Variants in CRPPA observed in about 807,000 individuals in gnomAD.
The protein encoded by CRPPA is D-ribitol-5-phosphate cytidylyltransferase.
In CRPPA, 43 loss-of-function variants were observed where a neutral mutation model predicts 52.0. That is an observed-to-expected ratio of 0.83 (90% CI 0.65 to 1.07). The LOEUF (loss-of-function observed/expected upper bound fraction) is 1.07, where lower values mean the gene tolerates loss of function less well. CRPPA is among the 50% of genes least tolerant of loss of function. The pLI is 0.00. For synonymous variants in CRPPA, 250 were observed against 203.5 expected (o/e 1.23, Z -1.94); for missense variants, 629 against 551.7 (o/e 1.14, Z -1.40).
intron 9 of CRPPA, among the ~76,000 whole-genome samples, chr7:16,100,768 G>C (rs1282281175): frequency 6.6e-6 from 1 of 152,148 alleles, no homozygotes; most frequent in African/African-American, 2.4e-5. Flanking sequence ...TGCCCATTCA[G>C]TATGATATTG....
intron 9 of CRPPA, among the ~76,000 whole-genome samples, chr7:16,214,579 A>ACCTCCG (rs1554290788): frequency 1.3e-5 from 2 of 151,914 alleles, no homozygotes; most frequent in Admixed American, 6.6e-5. Flanking sequence ...GCTCACTGCA[A>ACCTCCG]CCTCCGCCTC....
At chr7:16,249,172 C>G (rs962145403) in intron 8 of CRPPA, among the ~76,000 whole-genome samples, 13 of 152,180 alleles carry the variant, frequency 8.5e-5, no homozygotes, top group African/African-American at 2.9e-4. Flanking sequence ...GATTCTGCCT[C>G]TCTAGATTCC....
chr7:16,146,731 A>G (rs1326918985), intron 9 of CRPPA, among the ~76,000 whole-genome samples: 1 of 152,150 alleles, frequency 6.6e-6, no homozygotes, highest in African/African-American at 2.4e-5. Flanking sequence ...TGTAAGCCTC[A>G]TGGTAATCAC....
chr7:16,286,037 A>ATATATATATATATATATATATAG (rs1784425768), intron 5 of CRPPA, among the ~76,000 whole-genome samples: 1 of 15,112 alleles, frequency 6.6e-5, no homozygotes. Context: ...AAAAAAAAAA[A>ATATATATATATATATATATATAG]AATATAAATA....
At chr7:16,336,019 T>C (rs1785670798) in intron 3 of CRPPA, among the ~76,000 whole-genome samples, 1 of 152,160 alleles carries the variant, frequency 6.6e-6, no homozygotes, top group Non-Finnish European at 1.5e-5. Context: ...ATGGCAAAGT[T>C]GTCCTTCTGA....
At chr7:16,249,574 T>C (rs565129159) in intron 8 of CRPPA, among the ~76,000 whole-genome samples, 7 of 152,250 alleles carry the variant, frequency 4.6e-5, no homozygotes, top group African/African-American at 1.4e-4. Context: ...CTGCTGATCA[T>C]AGCCAGGCAA....
At chr7:16,129,913 A>G (rs1782650321) in intron 9 of CRPPA, among the ~76,000 whole-genome samples, 1 of 152,206 alleles carries the variant, frequency 6.6e-6, no homozygotes, top group South Asian at 2.1e-4. Context: ...CTTCTGACAC[A>G]TAAACATTCC....
At chr7:16,108,513 G>T (rs1484052772) in intron 9 of CRPPA, among the ~76,000 whole-genome samples, 2 of 151,826 alleles carry the variant, frequency 1.3e-5, no homozygotes, top group African/African-American at 4.8e-5. Flanking sequence ...AATAGTAGGG[G>T]ACAACAATAT....
At chr7:16,143,786 G>A (rs192841822) in intron 9 of CRPPA, among the ~76,000 whole-genome samples, 47 of 152,158 alleles carry the variant, frequency 3.1e-4, no homozygotes, top group Non-Finnish European at 4.1e-4. Flanking sequence ...ACTTCTAGAG[G>A]GGTACCATCT....
At chr7:16,351,286 G>A (rs1270293645) in intron 3 of CRPPA, among the ~76,000 whole-genome samples, 3 of 151,870 alleles carry the variant, frequency 2.0e-5, no homozygotes, top group Non-Finnish European at 4.4e-5. Context: ...TTTAAACCTA[G>A]GTCCTCAAAC....
chr7:16,139,314 A>G (rs1410666048), intron 9 of CRPPA, among the ~76,000 whole-genome samples: 1 of 152,154 alleles, frequency 6.6e-6, no homozygotes, highest in Non-Finnish European at 1.5e-5. Flanking sequence ...ACAAAACTTG[A>G]CCTGTACATC....
chr7:16,368,628 T>C lies in CRPPA; in HGVS notation c.684+7464A>G, dbSNP rs117264364. Among the ~76,000 whole-genome samples, 1,508 of 152,326 alleles carry C rather than the reference T, an allele frequency of 9.9e-3. 18 individuals are homozygous for C. The highest frequency in any genetic ancestry group is 0.015 in the Non-Finnish European group (988 of 68,010). On this transcript the variant is annotated intron_variant, in intron 3 of 9. Coordinates refer to ENST00000407010, the MANE Select transcript of CRPPA (RefSeq NM_001101426.4). ...TTTTATATAGTTGTTATTACAACTT[T>C]ATATATTAGTTTCTCAGTAACACTC...
intron 8 of CRPPA, among the ~76,000 whole-genome samples, chr7:16,255,893 C>T (rs532221298): frequency 6.6e-6 from 1 of 152,308 alleles, no homozygotes. Context: ...GCAAAGTCTT[C>T]ATGACTAAAA....
intron 2 of CRPPA, among the ~76,000 whole-genome samples, chr7:16,404,238 G>A (rs1337482563): frequency 6.6e-6 from 1 of 152,082 alleles, no homozygotes; most frequent in Non-Finnish European, 1.5e-5. Context: ...TTCTGAACCA[G>A]CTTCTTAATC....
intron 4 of CRPPA, among the ~76,000 whole-genome samples, chr7:16,303,022 T>C (rs1784823069): frequency 6.6e-6 from 1 of 152,200 alleles, no homozygotes; most frequent in African/African-American, 2.4e-5. Flanking sequence ...CAATTGAGAA[T>C]TACAACATTT....
chr7:16,223,117 T>C (rs1782565162), intron 8 of CRPPA, among the ~76,000 whole-genome samples: 1 of 151,748 alleles, frequency 6.6e-6, no homozygotes, highest in Non-Finnish European at 1.5e-5. Context: ...CAAGGCGAAA[T>C]GCTGTCTCTA....
At chr7:16,413,822 A>G (rs1788126289) in intron 1 of CRPPA, among the ~76,000 whole-genome samples, 1 of 152,212 alleles carries the variant, frequency 6.6e-6, no homozygotes, top group Non-Finnish European at 1.5e-5. Flanking sequence ...TCCAAGCCCA[A>G]TCTCAATCTG....
chr7:16,373,360 G>C (rs73306450), intron 3 of CRPPA, among the ~76,000 whole-genome samples: 1 of 151,984 alleles, frequency 6.6e-6, no homozygotes, highest in Non-Finnish European at 1.5e-5. Context: ...GGCAGAGGAA[G>C]AGCAAGCATG....
Position 16,421,278 on chromosome 7 carries a change from A to T in CRPPA, c.45T>A (p.Gly15=), listed in dbSNP as rs960627721. ...PPGSARPAEP[G]PCLSGQRGAD... ...CGCCGCGCTGACCACTCAGGCAAGG[A>T]CCCGGCTCCGCCGGCCTGGCGCTGC... Residue 15 remains glycine (G), a synonymous_variant, in exon 1 of 10, where the codon GGT becomes GGA. Coordinates refer to ENST00000407010, the MANE Select transcript of CRPPA (RefSeq NM_001101426.4). The T allele has an allele frequency of 7.8e-7, 1 of 1,280,160 alleles. No individual in the cohort carries two copies. Among genetic ancestry groups the T allele is most frequent in the African/African-American group, 1.6e-5 (1 of 64,086 alleles). The allele number at this position is 1,280,160 out of a possible 1,614,324, so 79.3% of individuals were successfully genotyped here.
Sources: gnomAD v4.1 joint callset for allele counts (sites outside exome capture counted in the v4.1 genomes callset) on GRCh38, gnomAD v4.1.1 for gene constraint, MANE v1.5 for transcripts, NCBI Gene and HGNC (gene_info 2026-07-23, HGNC 2026-07-21) for gene names.